The following CTNNA2 variants were observed in gnomAD, a reference collection of about 807,000 sequenced individuals.
CTNNA2 encodes the protein catenin alpha-2.
Under a neutral mutation model 101.0 loss-of-function variants are expected in CTNNA2, and 42 were observed. The observed-to-expected ratio is 0.42, with a 90% CI of 0.32 to 0.54. CTNNA2 has a LOEUF of 0.54. CTNNA2 is among the 20% of genes least tolerant of loss of function. The pLI is 0.14. For synonymous variants in CTNNA2, 450 were observed against 456.4 expected (o/e 0.99, Z 0.18); for missense variants, 871 against 1,223.1 (o/e 0.71, Z 4.29).
chr2:79,453,815 T>C (rs942285932), intron 4 of CTNNA2, among the ~76,000 whole-genome samples: 3 of 152,108 alleles, frequency 2.0e-5, no homozygotes, highest in Non-Finnish European at 4.4e-5. Context: ...AAAATTGTGT[T>C]CTTTGGAGAT....
intron 15 of CTNNA2, among the ~76,000 whole-genome samples, chr2:80,593,752 A>C (rs932785028): frequency 2.6e-5 from 4 of 152,146 alleles, no homozygotes; most frequent in African/African-American, 9.7e-5. Context: ...GGCTTATTTC[A>C]TTTAGCATAA....
chr2:80,561,103 T>C (rs1338304581), intron 12 of CTNNA2, among the ~76,000 whole-genome samples: 1 of 152,114 alleles, frequency 6.6e-6, no homozygotes, highest in African/African-American at 2.4e-5. Flanking sequence ...GTTTTATGAT[T>C]GGACAGGTCT....
chr2:79,858,233 G>A (rs960247545), intron 4 of CTNNA2, 54 bp downstream of exon 4: 50 of 1,422,492 alleles, frequency 3.5e-5, no homozygotes, highest in Middle Eastern at 1.8e-4. Flanking sequence ...AATCTTGACC[G>A]TGTGTATTAC....
intron 3 of CTNNA2, among the ~76,000 whole-genome samples, chr2:79,345,596 T>G (rs1677244044): frequency 6.6e-6 from 1 of 152,184 alleles, no homozygotes; most frequent in Non-Finnish European, 1.5e-5. Context: ...AGCATAAATA[T>G]CTGACAAAGC....
intron 7 of CTNNA2, among the ~76,000 whole-genome samples, chr2:79,911,591 A>G (rs1157289007): frequency 6.6e-6 from 1 of 152,178 alleles, no homozygotes; most frequent in African/African-American, 2.4e-5. Context: ...TATTGACTCC[A>G]GGCACTTTTT....
chr2:79,499,773 C>T (rs140771021), intron 4 of CTNNA2, among the ~76,000 whole-genome samples: 1 of 152,210 alleles, frequency 6.6e-6, no homozygotes, highest in Non-Finnish European at 1.5e-5. Flanking sequence ...TACATGGAGC[C>T]TTGCAGGCAC....
chr2:79,701,997 C>CAAA (rs58716617), intron 2 of CTNNA2, among the ~76,000 whole-genome samples: 25 of 75,420 alleles, frequency 3.3e-4, no homozygotes, highest in Non-Finnish European at 4.4e-4. Flanking sequence ...GACTCTGTCT[C>CAAA]AAAAAAAAAA....
chr2:79,816,143 G>A (rs572248090), intron 3 of CTNNA2, among the ~76,000 whole-genome samples: 1 of 152,198 alleles, frequency 6.6e-6, no homozygotes, highest in East Asian at 1.9e-4. Flanking sequence ...ATCAGTTCTA[G>A]GAGCTTGCTG....
At chr2:80,510,595 G>T (rs1028749979) in intron 9 of CTNNA2, among the ~76,000 whole-genome samples, 3 of 152,088 alleles carry the variant, frequency 2.0e-5, no homozygotes, top group Non-Finnish European at 4.4e-5. Context: ...ATTGGCTTTA[G>T]TTTTTGCTTT....
chr2:80,532,818 T>C (rs1056005625), intron 9 of CTNNA2, among the ~76,000 whole-genome samples: 4 of 152,162 alleles, frequency 2.6e-5, no homozygotes, highest in Admixed American at 2.6e-4. Context: ...GAAGAAAATA[T>C]GACCTTAGTG....
chr2:80,342,619 C>CA (rs1420360250), intron 7 of CTNNA2, among the ~76,000 whole-genome samples: 1 of 152,130 alleles, frequency 6.6e-6, no homozygotes, highest in Non-Finnish European at 1.5e-5. Flanking sequence ...CTGAAATAAT[C>CA]AACTGCCACC....
At chr2:79,982,006 C>A (rs1691309262) in intron 7 of CTNNA2, among the ~76,000 whole-genome samples, 1 of 150,454 alleles carries the variant, frequency 6.6e-6, no homozygotes, top group African/African-American at 2.4e-5. Context: ...ATAAAAACAG[C>A]CAAGTTCTTG....
intron 7 of CTNNA2, among the ~76,000 whole-genome samples, chr2:80,093,803 C>G (rs1451402506): frequency 2.6e-5 from 4 of 152,122 alleles, no homozygotes; most frequent in African/African-American, 7.2e-5. Flanking sequence ...TAAATGTCTT[C>G]TTTTGAGAAG....
chr2:79,465,691 C>T (rs1670926161), intron 4 of CTNNA2, among the ~76,000 whole-genome samples: 1 of 152,192 alleles, frequency 6.6e-6, no homozygotes, highest in East Asian at 1.9e-4. Flanking sequence ...TTGAAGAGGT[C>T]CTTCACATCC....
At chr2:80,422,120 G>A (rs974962894) in intron 9 of CTNNA2, among the ~76,000 whole-genome samples, 3 of 152,182 alleles carry the variant, frequency 2.0e-5, no homozygotes, top group African/African-American at 7.2e-5. Flanking sequence ...AATGAAAGAA[G>A]TTTAATTGAC....
At chr2:79,680,460 G>A (rs776973238) in intron 2 of CTNNA2, among the ~76,000 whole-genome samples, 4 of 151,754 alleles carry the variant, frequency 2.6e-5, no homozygotes, top group Non-Finnish European at 5.9e-5. Flanking sequence ...TCACAGAGGT[G>A]TCAAAAAAAT....
At chr2:79,803,057 G>C (rs1235312922) in intron 3 of CTNNA2, among the ~76,000 whole-genome samples, 2 of 152,092 alleles carry the variant, frequency 1.3e-5, no homozygotes, top group East Asian at 3.9e-4. Context: ...TGTTATATTG[G>C]TATTTATTTG....
At chr2:79,580,313 G>A (rs1173673246) in intron 1 of CTNNA2, among the ~76,000 whole-genome samples, 1 of 152,110 alleles carries the variant, frequency 6.6e-6, no homozygotes, top group East Asian at 1.9e-4. Context: ...GATGTGAAAA[G>A]TACTTCACCC....
intron 3 of CTNNA2, among the ~76,000 whole-genome samples, chr2:79,327,669 T>C (rs1169772512): frequency 6.6e-6 from 1 of 152,152 alleles, no homozygotes; most frequent in Non-Finnish European, 1.5e-5. Context: ...CTAGGTGGCA[T>C]TATATGGAAG....
Sources: gnomAD v4.1 joint callset for allele counts (sites outside exome capture counted in the v4.1 genomes callset) on GRCh38, gnomAD v4.1.1 for gene constraint, MANE v1.5 for transcripts, NCBI Gene and HGNC (gene_info 2026-07-23, HGNC 2026-07-21) for gene names.